Variants in EPB41L3 observed in about 807,000 individuals in gnomAD.
EPB41L3 encodes erythrocyte membrane protein band 4.1 like 3.
Under a neutral mutation model 127.1 loss-of-function variants are expected in EPB41L3, and 57 were observed. That is an observed-to-expected ratio of 0.45 (90% CI 0.36 to 0.56). EPB41L3 has a LOEUF of 0.56. EPB41L3 is among the 20% of genes least tolerant of loss of function. The pLI, the probability that EPB41L3 is intolerant of heterozygous loss-of-function variation, is 0.00. For synonymous variants in EPB41L3, 572 were observed against 549.5 expected, an observed-to-expected ratio of 1.04 and a Z score of -0.57; for missense variants, 1,273 against 1,372.2, an observed-to-expected ratio of 0.93 and a Z score of 1.14.
chr18:5,557,774 T>C (rs2094061489), intron 3 of EPB41L3, among the ~76,000 whole-genome samples: 1 of 152,152 alleles, frequency 6.6e-6, no homozygotes, highest in Non-Finnish European at 1.5e-5. Context: ...CAAATACTCA[T>C]GATATTGGAG....
intron 3 of EPB41L3, among the ~76,000 whole-genome samples, chr18:5,469,372 A>G (rs887871055): frequency 6.6e-6 from 1 of 152,066 alleles, no homozygotes; most frequent in Non-Finnish European, 1.5e-5. Flanking sequence ...AGTGCATCCG[A>G]TCCAGCCGCA....
intron 3 of EPB41L3, among the ~76,000 whole-genome samples, chr18:5,607,349 ATTCTGGCTGAGCCC>A (rs1163974270): frequency 1.3e-5 from 2 of 152,226 alleles, no homozygotes. Flanking sequence ...AAACAGCCTC[ATTCTGGCTGAGCCC>A]TTCCACGGCG....
In EPB41L3 at chr18:5,605,481, C is replaced by T. The variant is rs889137983; in HGVS notation, c.-306+6859G>A. ...GCAGCCTAAATCTCCCAGGCTCAAG[C>T]AATACTACTGCCCCAGCCTCCCAAG... On this transcript the variant is annotated intron_variant, in intron 3 of 21. Transcript: ENST00000545076. 9.9e-5 allele frequency among the ~76,000 whole-genome samples: 15 copies of T among 152,268 alleles called. 1 individual carries two copies. Among genetic ancestry groups the T allele is most frequent in the Admixed American group, 8.5e-4 (13 of 15,280 alleles).
intron 1 of EPB41L3, among the ~76,000 whole-genome samples, chr18:5,505,826 C>A (rs1396052972): frequency 7.5e-6 from 1 of 133,408 alleles, no homozygotes; most frequent in African/African-American, 2.9e-5. Context: ...TACACCTTCA[C>A]CTCCACCCCT....
chr18:5,496,455 G>C (rs746554263), intron 1 of EPB41L3, among the ~76,000 whole-genome samples: 2 of 152,244 alleles, frequency 1.3e-5, no homozygotes, highest in Non-Finnish European at 2.9e-5. Context: ...CTTTAATAGA[G>C]TTCAGTGACA....
At chr18:5,630,374 C>T (rs1191845479), upstream of EPB41L3, 4 of 518,382 alleles carry the variant, frequency 7.7e-6, no homozygotes, top group Non-Finnish European at 1.5e-5. Context: ...GAAAGGCGCT[C>T]ACCTGAGTCA....
intron 16 of EPB41L3, among the ~76,000 whole-genome samples, chr18:5,401,791 T>C (rs2074537305): frequency 6.6e-6 from 1 of 152,142 alleles, no homozygotes; most frequent in Admixed American, 6.5e-5. Flanking sequence ...TTTTTTTCTC[T>C]AGTATTAAAT....
At chr18:5,425,630 T>G (rs1380989153) in intron 9 of EPB41L3, among the ~76,000 whole-genome samples, 1 of 152,192 alleles carries the variant, frequency 6.6e-6, no homozygotes, top group Non-Finnish European at 1.5e-5. Context: ...TATCTATTTC[T>G]CTGTGTTTTA....
chr18:5,546,705 G>C (rs1281501393), upstream of EPB41L3, among the ~76,000 whole-genome samples: 1 of 151,940 alleles, frequency 6.6e-6, no homozygotes, highest in Non-Finnish European at 1.5e-5. Context: ...TTTCCCCCTA[G>C]CACAGACAGG....
chr18:5,508,558 G>A lies in EPB41L3; in HGVS notation c.-11-19364C>T, dbSNP rs527679802. ...CGAGGTGGGTGGATCACAAGGTCAG[G>A]AGATCGAGACCATCCTGGCCAACAT... On this transcript the variant is annotated intron_variant, in intron 1 of 22. Coordinates refer to ENST00000341928, the MANE Select transcript of EPB41L3 (RefSeq NM_012307.5). Among the ~76,000 whole-genome samples the A allele has an allele frequency of 5.3e-3, 801 of 152,020 alleles. 6 individuals are homozygous for A. The highest frequency in any genetic ancestry group is 8.5e-3 in the Non-Finnish European group (579 of 67,980).
chr18:5,578,446 C>T (rs570081698), intron 3 of EPB41L3, among the ~76,000 whole-genome samples: 95 of 152,260 alleles, frequency 6.2e-4, no homozygotes, highest in African/African-American at 2.3e-3. Context: ...TGCTAATTGT[C>T]CTCTAGTTTT....
In EPB41L3 at chr18:5,397,197, GC is replaced by G; in HGVS notation, c.2701del (p.Ala901LeufsTer51). 1 of 1,614,030 alleles carries G rather than the reference GC, an allele frequency of 6.2e-7. No homozygotes were observed. Among genetic ancestry groups the G allele is most frequent in the Non-Finnish European group, 8.5e-7 (1 of 1,179,980 alleles). On this transcript the variant is annotated frameshift_variant, in exon 18 of 23. Transcript: ENST00000341928. LOFTEE classifies it high-confidence loss of function. The surrounding 1 kb of genome is among the most constrained non-coding windows in gnomAD (Gnocchi z 4.1). ...GACCTCCTCCCCTCCTTCCTCTTTA[GC>G]CCCCTCCGTCAAGGCAGAGCCCTCT... The part of the protein sequence containing the change: ...GKEGSALTEG[A>X]KEEGGEEVAK...
At chr18:5,536,017 C>T (rs1201979969) in intron 1 of EPB41L3, among the ~76,000 whole-genome samples, 3 of 152,120 alleles carry the variant, frequency 2.0e-5, no homozygotes, top group Admixed American at 2.0e-4. Flanking sequence ...CAGACTGCTG[C>T]ATCTGCTGTC....
At chr18:5,511,332 C>G (rs1321380412) in intron 1 of EPB41L3, among the ~76,000 whole-genome samples, 2 of 145,540 alleles carry the variant, frequency 1.4e-5, no homozygotes, top group African/African-American at 5.1e-5. Context: ...AAGAAGCAAG[C>G]AGAGATGGTT....
intron 1 of EPB41L3, among the ~76,000 whole-genome samples, chr18:5,494,297 C>T (rs1207373933): frequency 1.3e-5 from 2 of 152,140 alleles, no homozygotes; most frequent in Non-Finnish European, 2.9e-5. Flanking sequence ...ACAGCACTTC[C>T]CTCCCTATGC....
chr18:5,584,211 C>A (rs77333310), intron 3 of EPB41L3, among the ~76,000 whole-genome samples: 2 of 152,206 alleles, frequency 1.3e-5, no homozygotes, highest in Non-Finnish European at 2.9e-5. Flanking sequence ...ACAGCCAAGA[C>A]AGCCAATAGC....
intron 3 of EPB41L3, among the ~76,000 whole-genome samples, chr18:5,610,801 T>C (rs1211646474): frequency 6.6e-6 from 1 of 152,210 alleles, no homozygotes; most frequent in Non-Finnish European, 1.5e-5. Flanking sequence ...AAATAAGTTA[T>C]TATTATCTTT....
intron 6 of EPB41L3, among the ~76,000 whole-genome samples, chr18:5,435,235 T>C (rs961550838): frequency 2.0e-5 from 3 of 152,160 alleles, no homozygotes; most frequent in Non-Finnish European, 4.4e-5. Context: ...AATTTATTAT[T>C]GAAGAAAGAA....
intron 8 of EPB41L3, among the ~76,000 whole-genome samples, chr18:5,429,011 C>A (rs2078611232): frequency 6.6e-6 from 1 of 152,030 alleles, no homozygotes; most frequent in Admixed American, 6.6e-5. Context: ...TTAAAAAGAG[C>A]CCCGATATTT....
Sources: allele counts gnomAD v4.1 joint callset (sites outside exome capture counted in the v4.1 genomes callset), GRCh38; gene constraint gnomAD v4.1.1; non-coding constraint Gnocchi (gnomAD v3.1); transcripts MANE v1.5; gene names NCBI Gene and HGNC (gene_info 2026-07-23, HGNC 2026-07-21).